The following HINFP variants were observed in gnomAD, a reference collection of about 807,000 sequenced individuals.
HINFP encodes histone H4 transcription factor, also known as MBD2 (methyl-CpG-binding protein)-interacting zinc finger protein.
Under a neutral mutation model 50.1 loss-of-function variants are expected in HINFP, and 20 were observed. That is an observed-to-expected ratio of 0.40 (90% CI 0.28 to 0.58). The LOEUF (loss-of-function observed/expected upper bound fraction) is 0.58, where lower values mean the gene tolerates loss of function less well. HINFP is among the 20% of genes least tolerant of loss of function. HINFP has a pLI of 0.45. For synonymous variants in HINFP, 247 were observed against 243.7 expected, an observed-to-expected ratio of 1.01 and a Z score of -0.13; for missense variants, 505 against 664.1, an observed-to-expected ratio of 0.76 and a Z score of 2.63.
intron 2 of HINFP, chr11:119,127,473 G>GTTTTTTTTTTTTTTTTTT (rs57165169): frequency 1.4e-5 from 1 of 68,982 alleles, no homozygotes; most frequent in African/African-American, 5.3e-5. Context: ...TTGTTGTTGT[G>GTTTTTTTTTTTTTTTTTT]TTTTTTTTTT....
In HINFP at chr11:119,133,010, G is replaced by C. The variant is rs762630054; in HGVS notation, c.1014+8G>C. 1.2e-6 allele frequency: 2 copies of C among 1,614,244 alleles called. No individual in the cohort carries two copies. ...TACCGCAAAGTACATGAAGTGAGTG[G>C]GGCTGGTGTTGGGAAGGACTAGTGG... On this transcript the variant is annotated splice_region_variant and intron_variant, in intron 8 of 9. Transcript: ENST00000350777.
At chr11:119,126,354 CAAAAAAAAAA>C (rs55703263) in intron 1 of HINFP, 1 of 62,688 alleles carries the variant, frequency 1.6e-5, no homozygotes, top group African/African-American at 5.2e-5. Context: ...AACTCAATCT[CAAAAAAAAAA>C]AAAAAAAAAG....
At position 119,134,557 on chromosome 11, in the gene HINFP, C is replaced by A; in HGVS notation, c.*59C>A. On this transcript the variant is annotated 3_prime_UTR_variant, in exon 10 of 10. Coordinates refer to ENST00000350777, the MANE Select transcript of HINFP (RefSeq NM_198971.3). This position sits in a 1 kb window ranked among gnomAD's most constrained non-coding sequence, Gnocchi z 4.3. ...CCTGAAGTTTGAGCCAGGCAAGTGG[C>A]AGTGCCCCTAGTGGGCAGCCGTTGC... 3 of 1,393,878 alleles carry A rather than the reference C, an allele frequency of 2.2e-6. No homozygotes were observed. The highest frequency in any genetic ancestry group is 2.9e-6 in the Non-Finnish European group (3 of 1,034,398). The allele number at this position is 1,393,878 out of a possible 1,614,324, so 86.3% of individuals were successfully genotyped here. A position where few individuals can be genotyped will look rare whatever the true frequency, so the allele number is the denominator to read the frequency against.
intron 1 of HINFP, chr11:119,124,764 A>G (rs1016125700): frequency 6.6e-6 from 1 of 152,166 alleles, no homozygotes; most frequent in African/African-American, 2.4e-5. Context: ...ACCTGAGGAC[A>G]GGAGTTCGAG....
Position 119,134,995 on chromosome 11 carries a change from G to A in HINFP, c.*497G>A, listed in dbSNP as rs940377832. On this transcript the variant is annotated 3_prime_UTR_variant, in exon 10 of 10. Coordinates refer to ENST00000350777, the MANE Select transcript of HINFP (RefSeq NM_198971.3). The surrounding 1 kb of genome is among the most constrained non-coding windows in gnomAD (Gnocchi z 4.3). ...GATTATCCTCAGGGACAGGATTGGAGGCATTGAGCGTGTTTATTAACAAAT... is the reference window on the plus strand; with the variant it reads ...GATTATCCTCAGGGACAGGATTGGAAGCATTGAGCGTGTTTATTAACAAAT... The A allele has an allele frequency of 1.3e-5, 2 of 154,054 alleles. No homozygotes were observed. Among genetic ancestry groups the A allele is most frequent in the African/African-American group, 4.8e-5 (2 of 41,504 alleles). The allele number at this position is 154,054 out of a possible 1,614,324, so 9.5% of individuals were successfully genotyped here.
chr11:119,124,997 T>G (rs899009192), intron 1 of HINFP: 1 of 150,664 alleles, frequency 6.6e-6, no homozygotes, highest in African/African-American at 2.4e-5. Flanking sequence ...TGAAATAAAA[T>G]TGAGAACCTT....
intron 1 of HINFP, chr11:119,124,282 G>A (rs1947262117): frequency 6.6e-6 from 1 of 152,260 alleles, no homozygotes; most frequent in Non-Finnish European, 1.5e-5. Context: ...TTGGGGGCAT[G>A]AAGGATCTTC....
At chr11:119,125,918 C>T (rs988355775) in intron 1 of HINFP, 4 of 152,186 alleles carry the variant, frequency 2.6e-5, no homozygotes, top group African/African-American at 9.7e-5. Context: ...CTTCTAGGCT[C>T]ATCTGTAGGC....
chr11:119,132,153 T>C, intron 5 of HINFP, 171 bp downstream of exon 5: 2 of 698,934 alleles, frequency 2.9e-6, no homozygotes, highest in African/African-American at 3.5e-5. Context: ...GTAGGCATTG[T>C]TATTCAGTAC....
chr11:119,131,384 C>T lies in HINFP; in HGVS notation c.412-151C>T, dbSNP rs76421672. On this transcript the variant is annotated intron_variant, in intron 3 of 9. Transcript: ENST00000350777. This position sits in a 1 kb window ranked among gnomAD's most constrained non-coding sequence, Gnocchi z 4.2. Reference sequence around the variant, plus strand: ...GATTACAGGGTTTAGCAACCGCACCCGGCCACTCCTCCATTTCTGTGCAGT... The same window carrying T: ...GATTACAGGGTTTAGCAACCGCACCTGGCCACTCCTCCATTTCTGTGCAGT... 545 of 655,690 alleles carry T rather than the reference C, an allele frequency of 8.3e-4. 7 individuals carry two copies. The highest frequency in any genetic ancestry group is 8.0e-3 in the African/African-American group (449 of 56,164). The allele number at this position is 655,690 out of a possible 1,614,324, so 40.6% of individuals were successfully genotyped here. A position where few individuals can be genotyped will look rare whatever the true frequency, so the allele number is the denominator to read the frequency against.
rs116129673 is a variant in HINFP at position 119,130,295 on chromosome 11, C to T, written c.182-430C>T. The T allele has an allele frequency of 6.8e-3, 1,381 of 201,882 alleles. 27 individuals are homozygous for T. Among genetic ancestry groups the T allele is most frequent in the African/African-American group, 0.031 (1,316 of 42,328 alleles). The allele number at this position is 201,882 out of a possible 1,614,324, so 12.5% of individuals were successfully genotyped here. On this transcript the variant is annotated intron_variant, in intron 2 of 9. Coordinates refer to ENST00000350777, the MANE Select transcript of HINFP (RefSeq NM_198971.3). The stretch of plus-strand genomic sequence containing the variant: ...TCTCACCTCTGCCTAGACCACACTT[C>T]TTCACCTATTTACAGATACTCATCC...
At position 119,132,560 on chromosome 11, in the gene HINFP, C is replaced by T. The variant is rs1395463953; in HGVS notation, c.741C>T (p.His247=). The change falls in exon 6 of 10, where the codon CAC becomes CAT. Residue 247 remains histidine, a synonymous_variant. Coordinates refer to ENST00000350777, the MANE Select transcript of HINFP (RefSeq NM_198971.3). ...RFATERLLRD[H]MRNHVNHYKC... is the part of the protein sequence containing the mutation. ...CCACAGAGCGGCTATTGCGGGACCA[C>T]ATGCGCAACCATGGTGAGTGGCCTG... 6.2e-7 allele frequency: 1 copy of T among 1,614,200 alleles called. No individual in the cohort carries two copies. The highest frequency in any genetic ancestry group is 1.1e-5 in the South Asian group (1 of 91,090).
At chr11:119,129,666 G>A (rs555614271) in intron 2 of HINFP, among the ~76,000 whole-genome samples, 6 of 150,322 alleles carry the variant, frequency 4.0e-5, no homozygotes, top group African/African-American at 1.2e-4. Flanking sequence ...GGGTTTGACT[G>A]TGTTAGCCAG....
chr11:119,131,539 C>A lies in HINFP; in HGVS notation c.416C>A (p.Ser139Tyr), dbSNP rs536245326. 7.1e-5 allele frequency: 114 copies of A among 1,613,210 alleles called. 4 individuals are homozygous for A. In the South Asian group the frequency reaches 1.2e-3, roughly 18 times the overall value. Residue 139 changes from serine (S) to tyrosine (Y), a missense_variant, in exon 4 of 10, where the codon TCC becomes TAC. Ser to Tyr is a moderately radical substitution (Grantham distance 144). Transcript: ENST00000350777. The surrounding 1 kb of genome is among the most constrained non-coding windows in gnomAD (Gnocchi z 4.2). ...FLCLWEHCEN[S>Y]FDNPEWFYRH... is the part of the protein sequence containing the mutation. Reference sequence around the variant, plus strand: ...CCCAAGTTGCCCCTGGCACAGAATTCCTTCGACAATCCTGAGTGGTTTTAT... The same window carrying A: ...CCCAAGTTGCCCCTGGCACAGAATTACTTCGACAATCCTGAGTGGTTTTAT...
chr11:119,129,490 C>CTTTTTTTTTTTTTTTTTTTTTTT (rs59395600), intron 2 of HINFP, among the ~76,000 whole-genome samples: 14 of 124,182 alleles, frequency 1.1e-4, no homozygotes, highest in African/African-American at 3.1e-4. Context: ...TTTTTCTTTT[C>CTTTTTTTTTTTTTTTTTTTTTTT]TTTTTTTTTT....
chr11:119,131,019 C>T lies in HINFP; in HGVS notation c.411+65C>T, dbSNP rs1565797049. 7.9e-7 allele frequency: 1 copy of T among 1,257,968 alleles called. No individual in the cohort carries two copies. Among genetic ancestry groups the T allele is most frequent in the African/African-American group, 1.5e-5 (1 of 67,912 alleles). 77.9% of individuals were successfully genotyped at this position (1,257,968 alleles called of 1,614,324 possible). ...GGGGGTCTTAACTCTGATGCCTTGT[C>T]CCTTTCAGGGATGCCTTATATTTCC... is the stretch of plus-strand genomic sequence containing the variant. On this transcript the variant is annotated intron_variant, in intron 3 of 9. Coordinates refer to ENST00000350777, the MANE Select transcript of HINFP (RefSeq NM_198971.3). The surrounding 1 kb of genome is among the most constrained non-coding windows in gnomAD (Gnocchi z 4.2).
rs1483326812 is a variant in HINFP, at chr11:119,121,594, G to A, written c.-56G>A. The A allele has an allele frequency of 1.3e-5, 2 of 152,338 alleles. No individual in the cohort carries two copies. Among genetic ancestry groups the A allele is most frequent in the East Asian group, 3.8e-4 (2 of 5,200 alleles). The allele number at this position is 152,338 out of a possible 1,614,324, so 9.4% of individuals were successfully genotyped here. ...GTCCCTCAAGCGCCTCTCCGGAGAT[G>A]GTCTGAGGTGGGAGAAGAGCTGAAG... On this transcript the variant is annotated 5_prime_UTR_variant, in exon 1 of 10. The change abolishes an upstream ATG in the 5' untranslated region. Coordinates refer to ENST00000350777, the MANE Select transcript of HINFP (RefSeq NM_198971.3).
At chr11:119,122,721 ATG>A (rs1287589907) in intron 1 of HINFP, among the ~76,000 whole-genome samples, 7 of 152,148 alleles carry the variant, frequency 4.6e-5, no homozygotes, top group African/African-American at 1.7e-4. Context: ...GATAGCAAAG[ATG>A]TGTGTGGATG....
rs1565803269 is a variant in HINFP at position 119,134,007 on chromosome 11, T to C, written c.1140-77T>C. ...GACTTCTTCCATCCCTCATGTTTGT[T>C]CCTTACTTTGCCAGCCTCGGCCATT... On this transcript the variant is annotated intron_variant, in intron 9 of 9. Transcript: ENST00000350777. The surrounding 1 kb of genome is among the most constrained non-coding windows in gnomAD (Gnocchi z 4.3). The C allele has an allele frequency of 6.2e-7, 1 of 1,601,878 alleles. No homozygotes were observed. Among genetic ancestry groups the C allele is most frequent in the African/African-American group, 1.3e-5 (1 of 74,850 alleles).
Sources: allele counts gnomAD v4.1 joint callset (sites outside exome capture counted in the v4.1 genomes callset), GRCh38; gene constraint gnomAD v4.1.1; non-coding constraint Gnocchi (gnomAD v3.1); transcripts MANE v1.5; gene names NCBI Gene and HGNC (gene_info 2026-07-23, HGNC 2026-07-21).